Variants in IL1RAPL2 observed in about 807,000 individuals in gnomAD.
IL1RAPL2 encodes X-linked interleukin-1 receptor accessory protein-like 2.
In IL1RAPL2, 3 loss-of-function variants were observed where a neutral mutation model predicts 44.1. The ratio of observed to expected loss-of-function variants is 0.07; its 90% CI spans 0.03 to 0.18. The LOEUF (loss-of-function observed/expected upper bound fraction) is 0.18. Among genes scored for constraint, IL1RAPL2 ranks in the 10% least tolerant of loss-of-function variants. The pLI, the probability that IL1RAPL2 is intolerant of heterozygous loss-of-function variation, is 1.00. For synonymous variants in IL1RAPL2, 181 were observed against 178.8 expected (o/e 1.01, Z -0.10); for missense variants, 391 against 496.4 (o/e 0.79, Z 2.02).
chrX:104,757,798 C>T (rs1220699958), intron 2 of IL1RAPL2, among the ~76,000 whole-genome samples: 1 of 111,185 alleles, frequency 9.0e-6, no homozygotes, highest in African/African-American at 3.3e-5. Flanking sequence ...CAATAAATAC[C>T]ATTAAGAAAA....
intron 2 of IL1RAPL2, among the ~76,000 whole-genome samples, chrX:104,932,254 C>A (rs1047714260): frequency 1.8e-5 from 2 of 110,030 alleles, no homozygotes; most frequent in Non-Finnish European, 3.8e-5. Context: ...CCCCCTCAGC[C>A]TCCCAAAGTG....
chrX:104,857,118 C>T (rs535248872), intron 2 of IL1RAPL2, among the ~76,000 whole-genome samples: 2 of 111,932 alleles, frequency 1.8e-5, no homozygotes, highest in South Asian at 7.5e-4. Context: ...TTTAGCACTT[C>T]TCAAAACTTA....
intron 2 of IL1RAPL2, among the ~76,000 whole-genome samples, chrX:105,041,769 G>C (rs1348368812): frequency 9.2e-6 from 1 of 108,933 alleles, no homozygotes; most frequent in Non-Finnish European, 1.9e-5. Flanking sequence ...GCATCGCCAA[G>C]TCAATCCTAA....
In IL1RAPL2 at chrX:105,319,658, A is replaced by G. The variant is rs777856454; in HGVS notation, c.697+52117A>G. 6.2e-5 allele frequency among the ~76,000 whole-genome samples: 7 copies of G among 112,176 alleles called. No homozygotes were observed. In the South Asian group the frequency reaches 1.5e-3, roughly 24 times the overall value. ...TGGTAGTCTATATGTCACTCAAATC[A>G]AATATAATTGGTGCTGTTTAGTATT... On this transcript the variant is annotated intron_variant, in intron 5 of 10. Coordinates refer to ENST00000372582, the MANE Select transcript of IL1RAPL2 (RefSeq NM_017416.2).
intron 2 of IL1RAPL2, among the ~76,000 whole-genome samples, chrX:104,694,216 G>A (rs1931141336): frequency 8.9e-6 from 1 of 111,835 alleles, no homozygotes; most frequent in Non-Finnish European, 1.9e-5. Flanking sequence ...TAGGAAGTTG[G>A]TGAAATACAT....
intron 2 of IL1RAPL2, among the ~76,000 whole-genome samples, chrX:104,800,381 G>C (rs1932877248): frequency 9.0e-6 from 1 of 110,597 alleles, no homozygotes; most frequent in Non-Finnish European, 1.9e-5. Context: ...AAAAACTAAA[G>C]AAATAGCTGG....
chrX:105,754,810 G>A (rs2147589524), intron 9 of IL1RAPL2, among the ~76,000 whole-genome samples: 1 of 112,324 alleles, frequency 8.9e-6, no homozygotes, highest in Non-Finnish European at 1.9e-5. Flanking sequence ...CCAAGTAACA[G>A]AGCCAAGCCA....
At chrX:105,097,201 G>A (rs778590856) in intron 2 of IL1RAPL2, among the ~76,000 whole-genome samples, 2 of 108,837 alleles carry the variant, frequency 1.8e-5, no homozygotes, top group South Asian at 4.1e-4. Flanking sequence ...GGTGACTGGC[G>A]CCTGTAGTCC....
At position 104,894,758 on chromosome X, in the gene IL1RAPL2, G is replaced by A. The variant is rs759483244; in HGVS notation, c.82+235763G>A. Among the ~76,000 whole-genome samples, 327 of 112,184 alleles carry A rather than the reference G, an allele frequency of 2.9e-3. 1 individual carries two copies. Among genetic ancestry groups the A allele is most frequent in the African/African-American group, 1.0e-2 (308 of 30,865 alleles). ...TTCCTCCTTTAGCTTTGAGAAGTTT[G>A]ATCATCTGAAGCCTTCTTGTCTCAA... On this transcript the variant is annotated intron_variant, in intron 2 of 10. Transcript: ENST00000372582.
chrX:105,018,804 G>C (rs187701898), intron 2 of IL1RAPL2, among the ~76,000 whole-genome samples: 1 of 111,616 alleles, frequency 9.0e-6, no homozygotes, highest in Non-Finnish European at 1.9e-5. Context: ...ACTATTTGGG[G>C]TTCCTGCACT....
intron 6 of IL1RAPL2, among the ~76,000 whole-genome samples, chrX:105,518,549 A>T (rs1420405812): frequency 2.7e-5 from 3 of 111,684 alleles, no homozygotes; most frequent in African/African-American, 9.7e-5. Context: ...GTTTTCAGCT[A>T]GTATCCCATT....
rs775669320 is a variant in IL1RAPL2 at position 105,704,997 on chromosome X, C to T, written c.773-12370C>T. 2.7e-5 allele frequency among the ~76,000 whole-genome samples: 3 copies of T among 111,262 alleles called. No homozygotes were observed. The South Asian group carries it at 1.1e-3, about 41-fold the overall frequency. On this transcript the variant is annotated intron_variant, in intron 6 of 10. Coordinates refer to ENST00000372582, the MANE Select transcript of IL1RAPL2 (RefSeq NM_017416.2). Reference sequence around the variant, plus strand: ...TCTATGGTGTTCCTTCTTGCTGTATCTTCAGGTGATTAGCAGAGCCAAATA... The same window carrying T: ...TCTATGGTGTTCCTTCTTGCTGTATTTTCAGGTGATTAGCAGAGCCAAATA...
Position 104,823,079 on chromosome X carries a change from G to A in IL1RAPL2, c.82+164084G>A, listed in dbSNP as rs1224846218. Among the ~76,000 whole-genome samples, 3 of 111,121 alleles carry A rather than the reference G, an allele frequency of 2.7e-5. No individual in the cohort carries two copies. In the Admixed American group the frequency reaches 2.9e-4, roughly 11 times the overall value. On this transcript the variant is annotated intron_variant, in intron 2 of 10. Coordinates refer to ENST00000372582, the MANE Select transcript of IL1RAPL2 (RefSeq NM_017416.2). ...TGTTTGTCTATTACTGGTGTATAGG[G>A]ATGCTTGTGATTTTTGCACATTGAT...
At chrX:105,079,071 T>C (rs1219596468) in intron 2 of IL1RAPL2, among the ~76,000 whole-genome samples, 1 of 112,237 alleles carries the variant, frequency 8.9e-6, no homozygotes, top group Non-Finnish European at 1.9e-5. Flanking sequence ...CCCAGTGAGA[T>C]GAACGCGGTA....
In IL1RAPL2 at chrX:105,192,419, G is replaced by T. The variant is rs143656553; in HGVS notation, c.83-3056G>T. Among the ~76,000 whole-genome samples the T allele has an allele frequency of 3.5e-3, 388 of 111,486 alleles. 1 individual carries two copies. Among genetic ancestry groups the T allele is most frequent in the Non-Finnish European group, 6.2e-3 (330 of 53,078 alleles). On this transcript the variant is annotated intron_variant, in intron 2 of 10. Coordinates refer to ENST00000372582, the MANE Select transcript of IL1RAPL2 (RefSeq NM_017416.2). Reference sequence around the variant, plus strand: ...CTGACTTTTCAGGCCTCTTACCTCAGCCTATACTTCTTAGTTGCTTCCCTA... The same window carrying T: ...CTGACTTTTCAGGCCTCTTACCTCATCCTATACTTCTTAGTTGCTTCCCTA...
chrX:105,616,481 T>C (rs948275200), intron 6 of IL1RAPL2, among the ~76,000 whole-genome samples: 1 of 111,870 alleles, frequency 8.9e-6, no homozygotes, highest in Non-Finnish European at 1.9e-5. Flanking sequence ...CCATTATAAA[T>C]GTGTAAAGTG....
chrX:105,335,996 G>C (rs1037602450), intron 5 of IL1RAPL2, among the ~76,000 whole-genome samples: 1 of 111,869 alleles, frequency 8.9e-6, no homozygotes, highest in Non-Finnish European at 1.9e-5. Flanking sequence ...TACAGTTATT[G>C]GTTAAGATGA....
In IL1RAPL2 at chrX:104,812,944, G is replaced by A. The variant is rs1019936193; in HGVS notation, c.82+153949G>A. 5.4e-5 allele frequency among the ~76,000 whole-genome samples: 6 copies of A among 111,452 alleles called. No individual in the cohort carries two copies. In the East Asian group the frequency reaches 1.4e-3, roughly 26 times the overall value. On this transcript the variant is annotated intron_variant, in intron 2 of 10. Transcript: ENST00000372582. Reference sequence around the variant, plus strand: ...TGACTTTATTGTTCTTATGTCACTGGACTATGCTAGGCACAAAAATTAAGA... The same window carrying A: ...TGACTTTATTGTTCTTATGTCACTGAACTATGCTAGGCACAAAAATTAAGA...
intron 6 of IL1RAPL2, among the ~76,000 whole-genome samples, chrX:105,584,046 AC>A (rs2037109135): frequency 8.9e-6 from 1 of 112,051 alleles, no homozygotes. Flanking sequence ...CCTTTTGGTG[AC>A]TATTCCATCT....
Sources: gnomAD v4.1 joint callset for allele counts (sites outside exome capture counted in the v4.1 genomes callset) on GRCh38, gnomAD v4.1.1 for gene constraint, MANE v1.5 for transcripts, NCBI Gene and HGNC (gene_info 2026-07-23, HGNC 2026-07-21) for gene names.